Variants in KIF1A observed in about 807,000 individuals in gnomAD.
KIF1A encodes kinesin family member 1A.
Under a neutral mutation model 227.3 loss-of-function variants are expected in KIF1A, and 46 were observed. The ratio of observed to expected loss-of-function variants is 0.20; its 90% CI spans 0.16 to 0.26. The LOEUF is 0.26. Ranked by LOEUF, KIF1A falls within the 10% of genes least tolerant of loss-of-function variation. KIF1A has a pLI of 1.00. For synonymous variants in KIF1A, 1,022 were observed against 1,012.8 expected (o/e 1.01, Z -0.17); for missense variants, 1,683 against 2,485.9 (o/e 0.68, Z 6.87).
intron 34 of KIF1A, among the ~76,000 whole-genome samples, chr2:240,741,649 T>C (rs1412063054): frequency 6.6e-6 from 1 of 152,190 alleles, no homozygotes; most frequent in Admixed American, 6.5e-5. Context: ...GCACAGCTCA[T>C]GAGGAGGACA....
intron 11 of KIF1A, among the ~76,000 whole-genome samples, chr2:240,774,483 A>G (rs2052494520): frequency 6.9e-6 from 1 of 143,932 alleles, no homozygotes; most frequent in Admixed American, 7.5e-5. Flanking sequence ...AGGCACCGCT[A>G]TTATTTCTCT....
In KIF1A at chr2:240,726,311, C is replaced by T. The variant is rs1332514270; in HGVS notation, c.4122+515G>A. 1.3e-5 allele frequency among the ~76,000 whole-genome samples: 2 copies of T among 152,184 alleles called. No homozygotes were observed. Among genetic ancestry groups the T allele is most frequent in the Non-Finnish European group, 2.9e-5 (2 of 68,038 alleles). ...TAAGTATGGTAGAGTGAGTTAACTG[C>T]CATTAAAAGCACATGGAGGATGGGT... On this transcript the variant is annotated intron_variant, in intron 39 of 48. Transcript: ENST00000498729. This position sits in a 1 kb window ranked among gnomAD's most constrained non-coding sequence, Gnocchi z 5.2.
chr2:240,737,318 G>A, intron 37 of KIF1A, 150 bp from the exon 38 acceptor site: 1 of 632,442 alleles, frequency 1.6e-6, no homozygotes, highest in South Asian at 1.7e-5. Context: ...GAACAGGGAG[G>A]CCCTACAGGG....
At chr2:240,782,568 G>C (rs1361298640) in intron 10 of KIF1A, 22 bp downstream of exon 10, 17 of 1,551,420 alleles carry the variant, frequency 1.1e-5, no homozygotes, top group Non-Finnish European at 1.4e-5. Context: ...CACCTGCCCC[G>C]GGGCTGAAGG....
rs2044403020 is a variant in KIF1A at position 240,714,148 on chromosome 2, C to T, written c.*3216G>A. The T allele has an allele frequency of 6.6e-6, 1 of 152,500 alleles. No homozygotes were observed. Among genetic ancestry groups the T allele is most frequent in the African/African-American group, 2.4e-5 (1 of 41,458 alleles). 9.4% of individuals were successfully genotyped at this position (152,500 alleles called of 1,614,324 possible). A position where few individuals can be genotyped will look rare whatever the true frequency, so the allele number is the denominator to read the frequency against. ...GACCAGTGCAGCAGCACAGTAAACACCTGTGACATCAGCCCCACCAGGGCC... is the reference window on the plus strand; with the variant it reads ...GACCAGTGCAGCAGCACAGTAAACATCTGTGACATCAGCCCCACCAGGGCC... On this transcript the variant is annotated 3_prime_UTR_variant, in exon 49 of 49. Transcript: ENST00000498729.
chr2:240,802,520 T>G (rs2057057372), intron 1 of KIF1A, among the ~76,000 whole-genome samples: 1 of 152,208 alleles, frequency 6.6e-6, no homozygotes, highest in Non-Finnish European at 1.5e-5. Context: ...TAAATTATAT[T>G]CTGTTCATAA....
At chr2:240,787,170 A>G in intron 5 of KIF1A, 81 bp downstream of exon 5, 1 of 1,157,260 alleles carries the variant, frequency 8.6e-7, no homozygotes, top group Non-Finnish European at 1.3e-6. Context: ...GTGGGCACTC[A>G]CTTTGCATCA....
intron 4 of KIF1A, among the ~76,000 whole-genome samples, 178 bp downstream of exon 4, chr2:240,787,873 T>A (rs2055147851): frequency 6.6e-6 from 1 of 152,102 alleles, no homozygotes; most frequent in African/African-American, 2.4e-5. Context: ...GGTCTGCAGC[T>A]TCACAGCCAC....
chr2:240,795,856 G>A (rs2056326350), intron 2 of KIF1A, among the ~76,000 whole-genome samples: 1 of 152,192 alleles, frequency 6.6e-6, no homozygotes, highest in Non-Finnish European at 1.5e-5. Context: ...GGGGCAGGAG[G>A]GTCCCATCTC....
At chr2:240,743,061 G>A (rs745613484) in intron 33 of KIF1A, 77 bp from the exon 34 acceptor site, 31 of 1,180,934 alleles carry the variant, frequency 2.6e-5, no homozygotes, top group Non-Finnish European at 3.4e-5. Flanking sequence ...AAGGGCTACA[G>A]GCCCCAGGTG....
rs759877150 is a variant in KIF1A, at chr2:240,741,280, C to T, written c.3738G>A (p.Glu1246=). Reference sequence around the variant, plus strand: ...GCACCAGCACTCACTCGCCGTTGGCCTCCAGCTCACAGATCTCGAAGTAGA... The same window carrying T: ...GCACCAGCACTCACTCGCCGTTGGCTTCCAGCTCACAGATCTCGAAGTAGA... The part of the protein sequence containing the change: ...LLVYFEICEL[E]ANGDYIPAVV... Residue 1246 remains glutamate, a synonymous_variant, in exon 35 of 49, where the codon GAG becomes GAA. Transcript: ENST00000498729. 3.1e-6 allele frequency: 5 copies of T among 1,593,826 alleles called. No homozygotes were observed. The East Asian group carries it at 6.8e-5, about 22-fold the overall frequency.
At chr2:240,800,147 C>CAA (rs58506104) in intron 1 of KIF1A, among the ~76,000 whole-genome samples, 1 of 148,138 alleles carries the variant, frequency 6.8e-6, no homozygotes, top group South Asian at 2.2e-4. Flanking sequence ...CACACACACA[C>CAA]TAAAGAAAAA....
At position 240,792,336 on chromosome 2, in the gene KIF1A, G is replaced by A. The variant is rs1336026848; in HGVS notation, c.107-3024C>T. ...GAGGAGGGAGAAACAGGTCCTCCCA[G>A]GGCCTGCTGGGCTGGGCTCCTCAGC... On this transcript the variant is annotated intron_variant, in intron 2 of 48. Coordinates refer to ENST00000498729, the MANE Select transcript of KIF1A (RefSeq NM_001244008.2). This position sits in a 1 kb window ranked among gnomAD's most constrained non-coding sequence, Gnocchi z 4.5. Among the ~76,000 whole-genome samples, 1 of 151,888 alleles carries A rather than the reference G, an allele frequency of 6.6e-6. No homozygotes were observed. The highest frequency in any genetic ancestry group is 1.5e-5 in the Non-Finnish European group (1 of 67,942).
chr2:240,809,303 C>T (rs780435432), intron 1 of KIF1A, among the ~76,000 whole-genome samples: 1 of 152,104 alleles, frequency 6.6e-6, no homozygotes, highest in African/African-American at 2.4e-5. Context: ...AAAAAAAAGA[C>T]CAGAGGGCAG....
intron 48 of KIF1A, 131 bp downstream of exon 48, chr2:240,717,919 A>G: frequency 2.9e-6 from 2 of 701,626 alleles, no homozygotes. Flanking sequence ...CCCCGCCAGG[A>G]GGGGATTGAG....
intron 11 of KIF1A, among the ~76,000 whole-genome samples, chr2:240,774,612 T>C (rs1022817160): frequency 6.6e-6 from 1 of 152,172 alleles, no homozygotes; most frequent in Non-Finnish European, 1.5e-5. Flanking sequence ...TAAATACCAT[T>C]TATGTTCAAT....
intron 12 of KIF1A, 72 bp downstream of exon 12, chr2:240,774,111 T>C: frequency 1.0e-6 from 1 of 991,886 alleles, no homozygotes; most frequent in Non-Finnish European, 1.5e-6. Context: ...TGCTTCCTAA[T>C]TCAAGCACGA....
chr2:240,803,686 G>A (rs1009341187), intron 1 of KIF1A, among the ~76,000 whole-genome samples: 9 of 152,108 alleles, frequency 5.9e-5, no homozygotes, highest in African/African-American at 1.9e-4. Context: ...GCTAAAACAG[G>A]CACGAATTAG....
chr2:240,729,886 G>A lies in KIF1A; in HGVS notation c.4008-2946C>T, dbSNP rs778096152. Among the ~76,000 whole-genome samples the A allele has an allele frequency of 1.2e-4, 18 of 152,320 alleles. No individual in the cohort carries two copies. The South Asian group carries it at 1.2e-3, about 11-fold the overall frequency. The stretch of plus-strand genomic sequence containing the variant: ...CCCCCAGGTGCCAAGATGGCTAGCC[G>A]GACCAGGGTCTGACATGGGCACAGC... On this transcript the variant is annotated intron_variant, in intron 38 of 48. Transcript: ENST00000498729.
Sources: gnomAD v4.1 joint callset for allele counts (sites outside exome capture counted in the v4.1 genomes callset) on GRCh38, gnomAD v4.1.1 for gene constraint, Gnocchi (gnomAD v3.1) non-coding constraint, MANE v1.5 for transcripts, NCBI Gene and HGNC (gene_info 2026-07-23, HGNC 2026-07-21) for gene names.